The following FCRLB variants were observed in gnomAD, a reference collection of about 807,000 sequenced individuals.
FCRLB encodes Fc receptor like B.
In FCRLB, 34 loss-of-function variants were observed where a neutral mutation model predicts 33.6. The ratio of observed to expected loss-of-function variants is 1.01; its 90% CI spans 0.77 to 1.35. The LOEUF (loss-of-function observed/expected upper bound fraction) is 1.35, where lower values mean the gene tolerates loss of function less well. Ranked by LOEUF, FCRLB falls within the 40% of genes most tolerant of loss-of-function variation. The pLI is 0.00. For synonymous variants in FCRLB, 280 were observed against 255.9 expected (o/e 1.09, Z -0.90); for missense variants, 560 against 580.2 (o/e 0.97, Z 0.36).
intron 3 of FCRLB, 53 bp downstream of exon 3, chr1:161,722,756 G>T: frequency 6.2e-7 from 1 of 1,608,308 alleles, no homozygotes; most frequent in Non-Finnish European, 8.5e-7. Flanking sequence ...GAATAGGGTG[G>T]ACCAAGGTAT....
intron 5 of FCRLB, among the ~76,000 whole-genome samples, chr1:161,723,930 G>C (rs1208612022): frequency 6.6e-6 from 1 of 152,170 alleles, no homozygotes; most frequent in Non-Finnish European, 1.5e-5. Context: ...GCTGGACAGA[G>C]AACTTTAGGG....
rs150995653 is a variant in FCRLB at position 161,723,550 on chromosome 1, C to T, written c.236C>T (p.Thr79Ile). ...CACAAGAAGAGCATTGAGGTGCAGA[C>T]ACCAGGGGTGTATCGATGCCAGACA... Residue 79 changes from threonine to isoleucine, a missense_variant, in exon 5 of 8, where the codon ACA becomes ATA. Coordinates refer to ENST00000367948, the Ensembl canonical transcript of FCRLB. 9.7e-4 allele frequency: 1,560 copies of T among 1,614,194 alleles called. 15 individuals carry two copies. The African/African-American group carries it at 0.018, about 19-fold the overall frequency.
intron 4 of FCRLB, 63 bp from the exon 5 acceptor site, chr1:161,723,304 T>G (rs1683434694): frequency 6.3e-7 from 1 of 1,580,096 alleles, no homozygotes; most frequent in Admixed American, 1.7e-5. Flanking sequence ...AGGTCGTTTC[T>G]TTGGGCACCT....
At chr1:161,722,122 G>A (rs1168550541) in intron 2 of FCRLB, among the ~76,000 whole-genome samples, 2 of 152,174 alleles carry the variant, frequency 1.3e-5, no homozygotes, top group Admixed American at 6.5e-5. Context: ...ATGCCTTTTC[G>A]TCTACTCATT....
Position 161,726,539 on chromosome 1 carries a change from C to G in FCRLB, c.575-164C>G, listed in dbSNP as rs1054878924. The G allele has an allele frequency of 1.4e-4, 140 of 1,018,348 alleles. No individual in the cohort carries two copies. The highest frequency in any genetic ancestry group is 1.9e-4 in the Non-Finnish European group (129 of 674,610). 63.1% of individuals were successfully genotyped at this position (1,018,348 alleles called of 1,614,324 possible). A position where few individuals can be genotyped will look rare whatever the true frequency, so the allele number is the denominator to read the frequency against. On this transcript the variant is annotated intron_variant, in intron 6 of 7. Transcript: ENST00000367948. The surrounding 1 kb of genome is among the most constrained non-coding windows in gnomAD (Gnocchi z 5.2). ...TCCCTCGTGGACTCGGTCCCCCTGC[C>G]CCACATTTCAGAAGGCTCCCCTTCC...
At position 161,726,531 on chromosome 1, in the gene FCRLB, C is replaced by A; in HGVS notation, c.575-172C>A. The A allele has an allele frequency of 1.1e-6, 1 of 946,772 alleles. No individual in the cohort carries two copies. Among genetic ancestry groups the A allele is most frequent in the Non-Finnish European group, 1.6e-6 (1 of 609,030 alleles). The allele number at this position is 946,772 out of a possible 1,614,324, so 58.6% of individuals were successfully genotyped here. On this transcript the variant is annotated intron_variant, in intron 6 of 7. Coordinates refer to ENST00000367948, the Ensembl canonical transcript of FCRLB. This position sits in a 1 kb window ranked among gnomAD's most constrained non-coding sequence, Gnocchi z 5.2. ...TTTCCCCGTCCCTCGTGGACTCGGTCCCCCTGCCCCACATTTCAGAAGGCT... is the reference window on the plus strand; with the variant it reads ...TTTCCCCGTCCCTCGTGGACTCGGTACCCCTGCCCCACATTTCAGAAGGCT...
chr1:161,725,740 A>C (rs1476258421), intron 5 of FCRLB, 81 bp from the exon 6 acceptor site: 28 of 1,499,848 alleles, frequency 1.9e-5, no homozygotes, highest in Non-Finnish European at 2.1e-5. Flanking sequence ...TAAGAGGAGA[A>C]AGCTGGAAGG....
At chr1:161,725,975 T>C (rs776494489) in exon 6 of FCRLB, 26 of 1,614,102 alleles carry the variant, frequency 1.6e-5, no homozygotes, top group Non-Finnish European at 2.2e-5. Flanking sequence ...CCAACTACAC[T>C]GTGTTACAGG....
chr1:161,727,686 C>T, exon 8 of FCRLB: 1 of 1,558,632 alleles, frequency 6.4e-7, no homozygotes, highest in Non-Finnish European at 8.7e-7. Context: ...GTCCCCTCTG[C>T]AGGCTCATTC....
Position 161,726,335 on chromosome 1 carries a change from A to C in FCRLB, c.574+248A>C, listed in dbSNP as rs1360157315. On this transcript the variant is annotated intron_variant, in intron 6 of 7. Transcript: ENST00000367948. This position sits in a 1 kb window ranked among gnomAD's most constrained non-coding sequence, Gnocchi z 5.2. ...ACTCTGGCTGGGGACTCCCACAGAG[A>C]GGGCAGCTCTGGCAGGGGCAGGGGC... 31 of 774,212 alleles carry C rather than the reference A, an allele frequency of 4.0e-5. No homozygotes were observed. Among genetic ancestry groups the C allele is most frequent in the Non-Finnish European group, 4.2e-5 (19 of 453,282 alleles). The allele number at this position is 774,212 out of a possible 1,614,324, so 48.0% of individuals were successfully genotyped here.
chr1:161,726,695 C>T lies in FCRLB; in HGVS notation c.575-8C>T, dbSNP rs1201374729. 3.8e-6 allele frequency: 6 copies of T among 1,587,016 alleles called. No homozygotes were observed. The highest frequency in any genetic ancestry group is 5.1e-6 in the Non-Finnish European group (6 of 1,172,934). On this transcript the variant is annotated splice_region_variant and splice_polypyrimidine_tract_variant and intron_variant, in intron 6 of 7. Coordinates refer to ENST00000367948, the Ensembl canonical transcript of FCRLB. The surrounding 1 kb of genome is among the most constrained non-coding windows in gnomAD (Gnocchi z 5.2). Reference sequence around the variant, plus strand: ...AGCCGGCGCCGTTGCTCCCCGCCCTCTCCGTAGAGCTGTTCCGGGCGCCGG... The same window carrying T: ...AGCCGGCGCCGTTGCTCCCCGCCCTTTCCGTAGAGCTGTTCCGGGCGCCGG...
intron 5 of FCRLB, 59 bp from the exon 6 acceptor site, chr1:161,725,762 G>T: frequency 6.5e-7 from 1 of 1,536,154 alleles, no homozygotes; most frequent in Admixed American, 1.9e-5. Flanking sequence ...TGTGAGAGTG[G>T]GAGATCTCCA....
intron 3 of FCRLB, 114 bp downstream of exon 3, chr1:161,722,817 C>CT (rs1314099163): frequency 2.0e-6 from 3 of 1,516,628 alleles, no homozygotes; most frequent in South Asian, 1.2e-5. Flanking sequence ...GGTTCATTAT[C>CT]TTTTTTTGGA....
chr1:161,727,579 G>T lies in FCRLB; in HGVS notation c.1198G>T (p.Glu400Ter), dbSNP rs1226690968. The T allele has an allele frequency of 1.2e-6, 2 of 1,614,090 alleles. No individual in the cohort carries two copies. The highest frequency in any genetic ancestry group is 3.3e-5 in the Admixed American group (2 of 60,020). ...ATTAAAGGAGCCACAGGCCCTCCGG[G>T]AGCTCAGGGGAACGCCCGAGACCCC... Residue 400 changes from glutamate to a stop codon, truncating the protein, a stop_gained, in exon 8 of 8, where the codon GAG becomes TAG. Transcript: ENST00000367948. LOFTEE classifies it low-confidence loss of function (END_TRUNC).
Position 161,726,742 on chromosome 1 carries a change from G to T in FCRLB, c.614G>T (p.Arg205Leu), listed in dbSNP as rs766436001. The T allele has an allele frequency of 6.3e-7, 1 of 1,594,370 alleles. No individual in the cohort carries two copies. The highest frequency in any genetic ancestry group is 1.7e-5 in the Admixed American group (1 of 58,120). The stretch of plus-strand genomic sequence containing the variant: ...CCGGTGCTGAGGGTGATGGGTCCGC[G>T]GGAGGCCCGCGGCGCGGCGCTGGGT... The change falls in exon 7 of 8, where the codon CGG (arginine) becomes CTG (leucine). Residue 205 changes from arginine (R) to leucine (L), a missense_variant. Coordinates refer to ENST00000367948, the Ensembl canonical transcript of FCRLB. The surrounding 1 kb of genome is among the most constrained non-coding windows in gnomAD (Gnocchi z 5.2).
chr1:161,723,222 C>T (rs1683431801), intron 4 of FCRLB, 145 bp from the exon 5 acceptor site: 8 of 1,109,494 alleles, frequency 7.2e-6, no homozygotes, highest in African/African-American at 3.1e-5. Context: ...ATGTGATCTC[C>T]TCTCCTGCAG....
rs1415975013 is a variant in FCRLB, at chr1:161,726,595, TC to T, written c.575-102del. Reference sequence around the variant, plus strand: ...CACGTGGACACACGGCCTCCTCCCCTCCCCCCTTGGTCTGTGGGTCTGCAAG... The same window carrying T: ...CACGTGGACACACGGCCTCCTCCCCTCCCCCTTGGTCTGTGGGTCTGCAAG... On this transcript the variant is annotated intron_variant, in intron 6 of 7. Transcript: ENST00000367948. The surrounding 1 kb of genome is among the most constrained non-coding windows in gnomAD (Gnocchi z 5.2). 4 of 1,434,660 alleles carry T rather than the reference TC, an allele frequency of 2.8e-6. No individual in the cohort carries two copies. Among genetic ancestry groups the T allele is most frequent in the African/African-American group, 1.4e-5 (1 of 70,258 alleles). The allele number at this position is 1,434,660 out of a possible 1,614,324, so 88.9% of individuals were successfully genotyped here.
In FCRLB at chr1:161,725,805, G is replaced by C. The variant is rs746887477; in HGVS notation, c.308-16G>C. On this transcript the variant is annotated splice_polypyrimidine_tract_variant and intron_variant, in intron 5 of 7. Coordinates refer to ENST00000367948, the Ensembl canonical transcript of FCRLB. ...ACTTTCTGTGGAGTCAAGCGTGTCT[G>C]TGGTGTCTGTCGCAGATTGGCTGAT... 1.3e-5 allele frequency: 21 copies of C among 1,589,994 alleles called. No individual in the cohort carries two copies. The East Asian group carries it at 4.5e-4, about 34-fold the overall frequency.
At chr1:161,722,364 T>C (rs11590932) in intron 2 of FCRLB, among the ~76,000 whole-genome samples, 28,649 of 152,204 alleles carry the variant, frequency 0.19, 3,557 homozygotes, top group Middle Eastern at 0.29. Flanking sequence ...CCTGGGGTTC[T>C]ATGGGGCTCT....
Sources: allele counts gnomAD v4.1 joint callset (sites outside exome capture counted in the v4.1 genomes callset), GRCh38; gene constraint gnomAD v4.1.1; non-coding constraint Gnocchi (gnomAD v3.1); transcripts MANE v1.5; gene names NCBI Gene and HGNC (gene_info 2026-07-23, HGNC 2026-07-21).